The following KLF8 variants were observed in gnomAD, a reference collection of about 807,000 sequenced individuals.
KLF8 encodes the protein KLF transcription factor 8.
In KLF8, 10 loss-of-function variants were observed where a neutral mutation model predicts 18.2. The ratio of observed to expected loss-of-function variants is 0.55; its 90% CI spans 0.34 to 0.93. The LOEUF is 0.93. KLF8 is among the 40% of genes least tolerant of loss of function. The pLI, the probability that KLF8 is intolerant of heterozygous loss-of-function variation, is 0.02. For synonymous variants in KLF8, 109 were observed against 97.3 expected, an observed-to-expected ratio of 1.12 and a Z score of -0.71; for missense variants, 264 against 277.9, an observed-to-expected ratio of 0.95 and a Z score of 0.36.
chrX:56,163,020 G>A, the KLF8 span, among the ~76,000 whole-genome samples: 551 of 112,138 alleles, frequency 4.9e-3, 2 homozygotes, highest in Non-Finnish European at 7.8e-3. Flanking sequence ...TGGATTCTAT[G>A]TCTTTGCTAT....
At chrX:56,065,565 C>A in the KLF8 span, among the ~76,000 whole-genome samples, 563 of 110,150 alleles carry the variant, frequency 5.1e-3, 3 homozygotes, top group Non-Finnish European at 8.1e-3. Flanking sequence ...TTCATTGGAT[C>A]TGTTGCTGGA....
At chrX:56,158,124 C>T in the KLF8 span, among the ~76,000 whole-genome samples, 1 of 111,680 alleles carries the variant, frequency 9.0e-6, no homozygotes, top group East Asian at 2.8e-4. Flanking sequence ...CCAGTTTTCC[C>T]AGCACCATTT....
chrX:56,134,992 A>T, the KLF8 span, among the ~76,000 whole-genome samples: 1 of 111,075 alleles, frequency 9.0e-6, no homozygotes, highest in African/African-American at 3.3e-5. Context: ...GTGCAATAAA[A>T]ATAAAAATCA....
the KLF8 span, among the ~76,000 whole-genome samples, chrX:56,059,270 A>G: frequency 1.8e-5 from 2 of 111,859 alleles, no homozygotes; most frequent in Admixed American, 1.9e-4. Flanking sequence ...CCAGATGGGT[A>G]GATTGCAAAA....
At chrX:56,045,097 T>A in the KLF8 span, among the ~76,000 whole-genome samples, 1 of 111,957 alleles carries the variant, frequency 8.9e-6, no homozygotes, top group Admixed American at 9.5e-5. Context: ...GAGGATCCAG[T>A]TTCGTTCATC....
chrX:56,187,937 G>T, the KLF8 span, among the ~76,000 whole-genome samples: 1 of 111,819 alleles, frequency 8.9e-6, no homozygotes, highest in African/African-American at 3.3e-5. Flanking sequence ...GGCAAAAACT[G>T]GAAACATTCC....
the KLF8 span, among the ~76,000 whole-genome samples, chrX:56,039,200 G>A: frequency 8.9e-6 from 1 of 111,935 alleles, no homozygotes; most frequent in African/African-American, 3.2e-5. Context: ...CTGTGTAGAA[G>A]CTCTTTAGTT....
the KLF8 span, among the ~76,000 whole-genome samples, chrX:55,958,356 G>C: frequency 8.9e-6 from 1 of 112,008 alleles, no homozygotes; most frequent in Non-Finnish European, 1.9e-5. Context: ...TGGGGGGAGT[G>C]AGACACTGTT....
chrX:55,961,246 C>T, the KLF8 span: 1 of 319,546 alleles, frequency 3.1e-6, no homozygotes, highest in Non-Finnish European at 5.7e-6. Flanking sequence ...TCTCCAGGAT[C>T]CCCACTGCCT....
chrX:56,108,152 T>C, the KLF8 span, among the ~76,000 whole-genome samples: 2 of 111,853 alleles, frequency 1.8e-5, no homozygotes, highest in Non-Finnish European at 3.8e-5. Flanking sequence ...CATCTGCAGA[T>C]ATAAATAGTT....
At chrX:56,274,738 C>T (rs1315634599) in intron 5 of KLF8, among the ~76,000 whole-genome samples, 2 of 111,538 alleles carry the variant, frequency 1.8e-5, no homozygotes, top group Non-Finnish European at 3.8e-5. Flanking sequence ...CCAGTTTTCC[C>T]AGCACCCTTT....
the KLF8 span, among the ~76,000 whole-genome samples, chrX:56,209,742 T>C: frequency 8.9e-6 from 1 of 112,018 alleles, no homozygotes; most frequent in African/African-American, 3.2e-5. Flanking sequence ...CTTTATCTAG[T>C]GAATGTGATT....
the KLF8 span, among the ~76,000 whole-genome samples, chrX:55,981,537 T>G: frequency 8.9e-6 from 1 of 112,423 alleles, no homozygotes; most frequent in African/African-American, 3.2e-5. Context: ...ACGAGGAAAT[T>G]ACCTTGAAGA....
chrX:55,938,235 A>G, the KLF8 span, among the ~76,000 whole-genome samples: 1 of 112,042 alleles, frequency 8.9e-6, no homozygotes, highest in African/African-American at 3.2e-5. Context: ...TTCTTAAAGA[A>G]AAGAATTTTC....
the KLF8 span, among the ~76,000 whole-genome samples, chrX:56,119,158 G>C: frequency 8.9e-6 from 1 of 111,831 alleles, no homozygotes; most frequent in Non-Finnish European, 1.9e-5. Flanking sequence ...AGAAGTTAAA[G>C]AGACTGATCT....
At chrX:55,937,431 G>A in the KLF8 span, among the ~76,000 whole-genome samples, 1 of 111,993 alleles carries the variant, frequency 8.9e-6, no homozygotes, top group Admixed American at 9.5e-5. Context: ...GGAAAAAACA[G>A]AGCAGAAAAA....
chrX:56,182,037 A>G, the KLF8 span, among the ~76,000 whole-genome samples: 2 of 111,530 alleles, frequency 1.8e-5, no homozygotes, highest in Non-Finnish European at 1.9e-5. Context: ...GTTCTCCTGG[A>G]TACTATCCTG....
chrX:56,188,568 C>A, the KLF8 span, among the ~76,000 whole-genome samples: 3 of 111,825 alleles, frequency 2.7e-5, no homozygotes, highest in Non-Finnish European at 5.6e-5. Flanking sequence ...CCAAGTCAAT[C>A]CTAAGCCAAA....
chrX:56,123,271 A>AAAAGAAAGAAAGAAAGAAAAAG, the KLF8 span, among the ~76,000 whole-genome samples: 1 of 91,279 alleles, frequency 1.1e-5, no homozygotes, highest in Non-Finnish European at 2.0e-5. Context: ...GAAAGAAAGA[A>AAAAGAAAGAAAGAAAGAAAAAG]AAAGAAAGAA....
Sources: gnomAD v4.1 joint callset for allele counts (sites outside exome capture counted in the v4.1 genomes callset) on GRCh38, gnomAD v4.1.1 for gene constraint, MANE v1.5 for transcripts, NCBI Gene and HGNC (gene_info 2026-07-23, HGNC 2026-07-21) for gene names.